The following VEGFA variants were observed in gnomAD, a reference collection of about 807,000 sequenced individuals.
VEGFA encodes the protein vascular endothelial growth factor A.
In VEGFA, 20 loss-of-function variants were observed where a neutral mutation model predicts 49.7. The observed-to-expected ratio is 0.40, with a 90% CI of 0.28 to 0.58. VEGFA has a LOEUF of 0.58. Ranked by LOEUF, VEGFA falls within the 20% of genes least tolerant of loss-of-function variation. The pLI is 0.40. For missense variants in VEGFA, 505 were observed against 553.5 expected, an observed-to-expected ratio of 0.91 and a Z score of 0.88; for synonymous variants, 219 against 223.4, an observed-to-expected ratio of 0.98 and a Z score of 0.18.
Position 43,785,393 on chromosome 6 carries a change from C to T in VEGFA, c.*831C>T, listed in dbSNP as rs769164425. ...CCCTCCACATGCTGCACGCGCATCT[C>T]GCCCCCAGGGGCACTGCCTGGAAGA... On this transcript the variant is annotated 3_prime_UTR_variant, in exon 8 of 8. Coordinates refer to ENST00000672860, the MANE Select transcript of VEGFA (RefSeq NM_003376.6). The T allele has an allele frequency of 9.1e-6, 2 of 218,604 alleles. No individual in the cohort carries two copies. Among genetic ancestry groups the T allele is most frequent in the Non-Finnish European group, 1.8e-5 (2 of 108,568 alleles). The allele number at this position is 218,604 out of a possible 1,614,324, so 13.5% of individuals were successfully genotyped here. A position where few individuals can be genotyped will look rare whatever the true frequency, so the allele number is the denominator to read the frequency against.
At position 43,772,745 on chromosome 6, in the gene VEGFA, G is replaced by T. The variant is rs867104795; in HGVS notation, c.606+1433G>T. ...CCCTCAGCCAGAATTCCCTTGGAGA[G>T]GAGGCAAGAGGAAAGCCATGGACAG... On this transcript the variant is annotated intron_variant, in intron 1 of 7. Transcript: ENST00000672860. 7.6e-3 allele frequency among the ~76,000 whole-genome samples: 1,164 copies of T among 152,306 alleles called. 16 individuals carry two copies. Among genetic ancestry groups the T allele is most frequent in the African/African-American group, 0.026 (1,084 of 41,562 alleles).
intron 2 of VEGFA, chr6:43,775,124 C>G (rs1296958971): frequency 2.0e-5 from 3 of 153,134 alleles, no homozygotes; most frequent in Admixed American, 1.9e-4. Context: ...GCGAGTTTCC[C>G]TGACCTAAAT....
chr6:43,776,852 G>A (rs545430107), intron 2 of VEGFA: 38 of 168,330 alleles, frequency 2.3e-4, no homozygotes, highest in Non-Finnish European at 3.9e-4. Flanking sequence ...CTAGCTGTGC[G>A]GCCTTGGGGC....
Position 43,779,847 on chromosome 6 carries a change from G to A in VEGFA, c.963-885G>A. 7.6e-6 allele frequency: 3 copies of A among 394,556 alleles called. No homozygotes were observed. The Admixed American group carries it at 8.1e-5, about 11-fold the overall frequency. The allele number at this position is 394,556 out of a possible 1,614,324, so 24.4% of individuals were successfully genotyped here. ...AGGTGTGTTCTCTTGGGCTTGGCAGGCATGGAGAGCTCTGGTTCTCTTGAA... is the reference window on the plus strand; with the variant it reads ...AGGTGTGTTCTCTTGGGCTTGGCAGACATGGAGAGCTCTGGTTCTCTTGAA... On this transcript the variant is annotated intron_variant, in intron 5 of 7. Coordinates refer to ENST00000672860, the MANE Select transcript of VEGFA (RefSeq NM_003376.6).
At chr6:43,784,339 C>G (rs1328551448) in intron 7 of VEGFA, 1 of 643,358 alleles carries the variant, frequency 1.6e-6, no homozygotes, top group Non-Finnish European at 2.8e-6. Context: ...CTGCTCAGGC[C>G]GGGGCTCCCT....
chr6:43,772,081 G>A (rs1159811580), intron 1 of VEGFA: 20 of 985,340 alleles, frequency 2.0e-5, no homozygotes, highest in Non-Finnish European at 2.3e-5. Context: ...CCAGCCCTCC[G>A]CGGGAAGGTG....
At chr6:43,779,961 G>A (rs1279949189) in intron 5 of VEGFA, 1 of 294,278 alleles carries the variant, frequency 3.4e-6, no homozygotes, top group African/African-American at 2.2e-5. Context: ...GGGCTCGGAA[G>A]AGTGTCTGGT....
chr6:43,779,333 T>G, intron 5 of VEGFA: 1 of 377,070 alleles, frequency 2.7e-6, no homozygotes, highest in Non-Finnish European at 5.0e-6. Context: ...GCTGTGACGG[T>G]GCAGTTGGAT....
At chr6:43,779,515 C>A (rs78690555) in intron 5 of VEGFA, 4 of 373,260 alleles carry the variant, frequency 1.1e-5, no homozygotes, top group Non-Finnish European at 2.1e-5. Flanking sequence ...CAAGGTCTGG[C>A]GGCAGTAACC....
intron 3 of VEGFA, chr6:43,778,105 A>T: frequency 2.2e-6 from 1 of 460,636 alleles, no homozygotes; most frequent in African/African-American, 2.0e-5. Flanking sequence ...AAACACAGGG[A>T]GGGGGTTGCT....
chr6:43,785,655 G>A lies in VEGFA; in HGVS notation c.*1093G>A, dbSNP rs1218494807. On this transcript the variant is annotated 3_prime_UTR_variant, in exon 8 of 8. Transcript: ENST00000672860. ...CTAGTTCTGTCCCCCCAGGAGACCT[G>A]GTTGTGTGTGTGTGAGTGGTTGACC... is the stretch of plus-strand genomic sequence containing the variant. The A allele has an allele frequency of 5.0e-6, 1 of 200,666 alleles. No individual in the cohort carries two copies. The highest frequency in any genetic ancestry group is 2.3e-5 in the African/African-American group (1 of 43,408). 12.4% of individuals were successfully genotyped at this position (200,666 alleles called of 1,614,324 possible).
rs1271681344 is a variant in VEGFA, at chr6:43,770,882, T to G, written c.176T>G (p.Leu59Arg). 6.5e-7 allele frequency: 1 copy of G among 1,544,108 alleles called. No individual in the cohort carries two copies. The highest frequency in any genetic ancestry group is 1.2e-5 in the South Asian group (1 of 83,184). The change falls in exon 1 of 8, where the codon CTG becomes CGG. Residue 59 changes from leucine to arginine, a missense_variant. By Grantham distance (102) the Leu-to-Arg change is moderately radical. Coordinates refer to ENST00000672860, the MANE Select transcript of VEGFA (RefSeq NM_003376.6). ...GCACTGAAACTTTTCGTCCAACTTCTGGGCTGTTCTCGCTTCGGAGGAGCC... is the reference window on the plus strand; with the variant it reads ...GCACTGAAACTTTTCGTCCAACTTCGGGGCTGTTCTCGCTTCGGAGGAGCC...
At position 43,770,883 on chromosome 6, in the gene VEGFA, G is replaced by A. The variant is rs1417688889; in HGVS notation, c.177G>A (p.Leu59=). 1 of 1,544,524 alleles carries A rather than the reference G, an allele frequency of 6.5e-7. No homozygotes were observed. Among genetic ancestry groups the A allele is most frequent in the Non-Finnish European group, 8.7e-7 (1 of 1,145,440 alleles). ...CACTGAAACTTTTCGTCCAACTTCT[G>A]GGCTGTTCTCGCTTCGGAGGAGCCG... Residue 59 remains leucine (L), a synonymous_variant, in exon 1 of 8, where the codon CTG becomes CTA. Transcript: ENST00000672860.
Position 43,784,589 on chromosome 6 carries a change from C to G in VEGFA, c.*27C>G, listed in dbSNP as rs1395831641. 6.2e-7 allele frequency: 1 copy of G among 1,614,218 alleles called. No individual in the cohort carries two copies. ...CCGGGCAGGAGGAAGGAGCCTCCCTCAGGGTTTCGGGAACCAGATCTCTCA... is the reference window on the plus strand; with the variant it reads ...CCGGGCAGGAGGAAGGAGCCTCCCTGAGGGTTTCGGGAACCAGATCTCTCA... On this transcript the variant is annotated 3_prime_UTR_variant, in exon 8 of 8. Transcript: ENST00000672860.
At chr6:43,776,318 A>G (rs1207444597) in intron 2 of VEGFA, 1 of 152,030 alleles carries the variant, frequency 6.6e-6, no homozygotes, top group Non-Finnish European at 1.5e-5. Flanking sequence ...TGGGTAGGGA[A>G]CCTATTTCAG....
intron 5 of VEGFA, chr6:43,779,959 A>G (rs1225500495): frequency 1.0e-5 from 3 of 293,790 alleles, no homozygotes; most frequent in Admixed American, 4.0e-5. Context: ...CTGGGCTCGG[A>G]AGAGTGTCTG....
chr6:43,770,487 T>C lies in VEGFA; in HGVS notation c.-220T>C. ...GACGGCTTGGGGAGATTGCTCTACT[T>C]CCCCAAATCACTGTGGATTTTGGAA... is the stretch of plus-strand genomic sequence containing the variant. On this transcript the variant is annotated 5_prime_UTR_variant, in exon 1 of 8. Coordinates refer to ENST00000672860, the MANE Select transcript of VEGFA (RefSeq NM_003376.6). 1 of 1,076,132 alleles carries C rather than the reference T, an allele frequency of 9.3e-7. No homozygotes were observed. The highest frequency in any genetic ancestry group is 1.2e-6 in the Non-Finnish European group (1 of 832,610). 66.7% of individuals were successfully genotyped at this position (1,076,132 alleles called of 1,614,324 possible).
rs1300315921 is a variant in VEGFA, at chr6:43,770,541, G to A, written c.-166G>A. 1 of 1,309,112 alleles carries A rather than the reference G, an allele frequency of 7.6e-7. No individual in the cohort carries two copies. Among genetic ancestry groups the A allele is most frequent in the Admixed American group, 4.1e-5 (1 of 24,622 alleles). The allele number at this position is 1,309,112 out of a possible 1,614,324, so 81.1% of individuals were successfully genotyped here. A position where few individuals can be genotyped will look rare whatever the true frequency, so the allele number is the denominator to read the frequency against. On this transcript the variant is annotated 5_prime_UTR_variant, in exon 1 of 8. Transcript: ENST00000672860. Reference sequence around the variant, plus strand: ...AGCAGAAAGAGGAAAGAGGTAGCAAGAGCTCCAGAGAGAAGTCGAGGAAGA... The same window carrying A: ...AGCAGAAAGAGGAAAGAGGTAGCAAAAGCTCCAGAGAGAAGTCGAGGAAGA...
rs1203752241 is a variant in VEGFA at position 43,771,166 on chromosome 6, G to C, written c.460G>C (p.Ala154Pro). 6.4e-7 allele frequency: 1 copy of C among 1,567,856 alleles called. No homozygotes were observed. The highest frequency in any genetic ancestry group is 8.6e-7 in the Non-Finnish European group (1 of 1,161,178). ...GGGAGGAAGAGTAGCTCGCCGAGGCGCCGAGGAGAGCGGGCCGCCCCACAG... is the reference window on the plus strand; with the variant it reads ...GGGAGGAAGAGTAGCTCGCCGAGGCCCCGAGGAGAGCGGGCCGCCCCACAG... Residue 154 changes from alanine to proline, a missense_variant, in exon 1 of 8, where the codon GCC becomes CCC. Transcript: ENST00000672860.
Sources: allele counts gnomAD v4.1 joint callset (sites outside exome capture counted in the v4.1 genomes callset), GRCh38; gene constraint gnomAD v4.1.1; transcripts MANE v1.5; gene names NCBI Gene and HGNC (gene_info 2026-07-23, HGNC 2026-07-21).